Variants in DNAJC1 observed in about 807,000 individuals in gnomAD.
DNAJC1 encodes the protein DnaJ heat shock protein family (Hsp40) member C1, also known as dnaJ homolog subfamily C member 1.
In DNAJC1, 58 loss-of-function variants were observed where a neutral mutation model predicts 76.6. That is an observed-to-expected ratio of 0.76 (90% CI 0.61 to 0.94). The LOEUF (loss-of-function observed/expected upper bound fraction) is 0.94, where lower values mean the gene tolerates loss of function less well. DNAJC1 is among the 40% of genes least tolerant of loss of function. The probability of loss-of-function intolerance (pLI) is 0.00; values close to 1 mark genes in which losing one functional copy is unlikely to be tolerated. For missense variants in DNAJC1, 689 were observed against 677.3 expected, an observed-to-expected ratio of 1.02 and a Z score of -0.19; for synonymous variants, 258 against 267.9, an observed-to-expected ratio of 0.96 and a Z score of 0.36.
intron 1 of DNAJC1, among the ~76,000 whole-genome samples, chr10:21,956,480 TAG>T (rs1341914450): frequency 6.6e-6 from 1 of 151,928 alleles, no homozygotes. Context: ...AAGAGGACAC[TAG>T]AGGTATTATT....
At chr10:21,816,545 CTTTTTTTTTT>C (rs770275203) in intron 8 of DNAJC1, among the ~76,000 whole-genome samples, 1 of 134,608 alleles carries the variant, frequency 7.4e-6, no homozygotes, top group African/African-American at 2.7e-5. Context: ...GTCTCTCTCT[CTTTTTTTTTT>C]TTTTTTTTGA....
intron 1 of DNAJC1, among the ~76,000 whole-genome samples, chr10:21,953,286 T>C (rs762169363): frequency 6.6e-6 from 1 of 152,036 alleles, no homozygotes; most frequent in Admixed American, 6.6e-5. Context: ...AGTGCAATAT[T>C]GATTTTAAGC....
chr10:21,813,175 CCTCTCTCT>C (rs532971786), intron 8 of DNAJC1, among the ~76,000 whole-genome samples: 621 of 28,166 alleles, frequency 0.022, 12 homozygotes, highest in East Asian at 0.042. Context: ...TCTCTCTCTC[CCTCTCTCT>C]CTCTCTCTCT....
chr10:21,785,097 C>A (rs1294767945), intron 9 of DNAJC1, among the ~76,000 whole-genome samples: 1 of 152,070 alleles, frequency 6.6e-6, no homozygotes, highest in Admixed American at 6.5e-5. Context: ...TTAAAAAAGT[C>A]TTATTTATAA....
chr10:21,938,842 A>T (rs1837357827), intron 1 of DNAJC1, among the ~76,000 whole-genome samples: 1 of 152,202 alleles, frequency 6.6e-6, no homozygotes, highest in Admixed American at 6.5e-5. Flanking sequence ...AAAAGATCTT[A>T]TCCAGGATCT....
intron 9 of DNAJC1, among the ~76,000 whole-genome samples, chr10:21,768,527 G>T (rs1052516204): frequency 6.6e-6 from 1 of 152,176 alleles, no homozygotes; most frequent in Admixed American, 6.5e-5. Flanking sequence ...CAAACCCTTA[G>T]CATGATACCT....
intron 8 of DNAJC1, among the ~76,000 whole-genome samples, chr10:21,817,851 A>G (rs186148829): frequency 2.0e-4 from 31 of 152,262 alleles, no homozygotes; most frequent in African/African-American, 5.8e-4. Context: ...CACTTCCCCA[A>G]TCAATACCCT....
intron 1 of DNAJC1, among the ~76,000 whole-genome samples, chr10:21,979,164 C>A (rs570056455): frequency 1.5e-4 from 22 of 151,586 alleles, no homozygotes; most frequent in East Asian, 5.8e-4. Flanking sequence ...TTAAAAAAAA[C>A]CAGCTAGAAA....
At chr10:21,953,124 A>G (rs1226952568) in intron 1 of DNAJC1, among the ~76,000 whole-genome samples, 3 of 152,122 alleles carry the variant, frequency 2.0e-5, no homozygotes, top group Admixed American at 2.0e-4. Context: ...TAAAGAACAT[A>G]TATATTCTTT....
At chr10:21,801,755 G>A (rs1011504596) in intron 9 of DNAJC1, among the ~76,000 whole-genome samples, 4 of 151,708 alleles carry the variant, frequency 2.6e-5, no homozygotes, top group African/African-American at 9.7e-5. Flanking sequence ...ATTAATGATA[G>A]ATAGTATAAA....
At chr10:21,852,052 CAAAAAAAATAAAAAAT>C (rs1189092783) in intron 8 of DNAJC1, among the ~76,000 whole-genome samples, 3 of 143,286 alleles carry the variant, frequency 2.1e-5, no homozygotes, top group Non-Finnish European at 4.5e-5. Flanking sequence ...GACTCTGTCT[CAAAAAAAATAAAAAAT>C]AAAAAAAATA....
chr10:21,882,463 A>G, intron 7 of DNAJC1, 24 bp from the exon 8 acceptor site: 3 of 1,391,038 alleles, frequency 2.2e-6, no homozygotes, highest in East Asian at 2.6e-5. Context: ...AAAAGAACCA[A>G]TTATTGAGAT....
At chr10:21,867,950 G>C (rs1285807432) in intron 8 of DNAJC1, among the ~76,000 whole-genome samples, 1 of 151,006 alleles carries the variant, frequency 6.6e-6, no homozygotes, top group Non-Finnish European at 1.5e-5. Context: ...GCATGCACCT[G>C]TAATCCCAGC....
At chr10:21,920,720 A>AAAAC in intron 4 of DNAJC1, 78 bp downstream of exon 4, 1 of 1,365,752 alleles carries the variant, frequency 7.3e-7, no homozygotes. Flanking sequence ...AGAAATTTTC[A>AAAAC]TCAGTTGAAA....
At chr10:21,868,089 A>AAAAAAAAC (rs1836037499) in intron 8 of DNAJC1, among the ~76,000 whole-genome samples, 4 of 139,124 alleles carry the variant, frequency 2.9e-5, no homozygotes, top group Admixed American at 7.2e-5. Context: ...AAAAAAAAAA[A>AAAAAAAAC]CAAAAAAAAA....
At chr10:21,972,962 T>C (rs1427710478) in intron 1 of DNAJC1, among the ~76,000 whole-genome samples, 2 of 152,112 alleles carry the variant, frequency 1.3e-5, no homozygotes, top group Non-Finnish European at 2.9e-5. Flanking sequence ...ATTTTTCAAA[T>C]CAGCTTCCAG....
intron 10 of DNAJC1, among the ~76,000 whole-genome samples, chr10:21,761,549 TAA>T (rs369792978): frequency 2.3e-5 from 3 of 131,458 alleles, no homozygotes; most frequent in Non-Finnish European, 3.2e-5. Context: ...AGACTCCGTC[TAA>T]AAAAAAAAAA....
intron 8 of DNAJC1, among the ~76,000 whole-genome samples, chr10:21,858,929 A>C (rs1360240102): frequency 2.6e-5 from 4 of 152,190 alleles, no homozygotes; most frequent in Admixed American, 2.6e-4. Flanking sequence ...ATATTGTTTG[A>C]TATCTGCTTA....
chr10:21,759,468 T>C lies in DNAJC1; in HGVS notation c.1298A>G (p.Gln433Arg). 6.2e-7 allele frequency: 1 copy of C among 1,614,194 alleles called. No homozygotes were observed. The highest frequency in any genetic ancestry group is 1.6e-4 in the Middle Eastern group (1 of 6,062). The change falls in exon 11 of 12, where the codon CAG (glutamine) becomes CGG (arginine). Residue 433 changes from glutamine (Q) to arginine (R), a missense_variant. Coordinates refer to ENST00000376980, the MANE Select transcript of DNAJC1 (RefSeq NM_022365.4). ...EEEQEGDSGE[Q>R]ETGATDARPR... ...CCGGGCATCAGTGGCCCCGGTCTCC[T>C]GCTCACCGGAGTCTCCCTCCTGCTC...
Sources: allele counts gnomAD v4.1 joint callset (sites outside exome capture counted in the v4.1 genomes callset), GRCh38; gene constraint gnomAD v4.1.1; transcripts MANE v1.5; gene names NCBI Gene and HGNC (gene_info 2026-07-23, HGNC 2026-07-21).